COMMD1: variants seen among roughly 807,000 people sequenced by gnomAD.
The protein encoded by COMMD1 is COMM domain-containing protein 1.
COMMD1 carries 10 observed loss-of-function variants against 17.2 expected under a neutral mutation model. The observed-to-expected ratio is 0.58, with a 90% confidence interval of 0.36 to 0.99. The LOEUF is 0.99. Among genes scored for constraint, COMMD1 ranks in the 50% least tolerant of loss-of-function variants. The pLI, the probability that COMMD1 is intolerant of heterozygous loss-of-function variation, is 0.01. For missense variants in COMMD1, 270 were observed against 231.8 expected (o/e 1.17, Z -1.07); for synonymous variants, 97 against 91.6 (o/e 1.06, Z -0.34).
chr2:62,129,057 C>G (rs1016581633), intron 2 of COMMD1, among the ~76,000 whole-genome samples: 37 of 152,130 alleles, frequency 2.4e-4, no homozygotes, highest in African/African-American at 8.7e-4. Flanking sequence ...TCTTACCAAC[C>G]TAGGCATGAT....
intron 2 of COMMD1, among the ~76,000 whole-genome samples, chr2:62,031,860 A>G (rs1362216156): frequency 2.0e-5 from 3 of 152,192 alleles, no homozygotes; most frequent in Non-Finnish European, 4.4e-5. Flanking sequence ...TCTCTGTCTG[A>G]CATCTCAGAA....
intron 2 of COMMD1, among the ~76,000 whole-genome samples, chr2:62,015,462 G>A (rs1558563118): frequency 6.6e-6 from 1 of 152,068 alleles, no homozygotes; most frequent in Non-Finnish European, 1.5e-5. Context: ...TTTGGCTCTT[G>A]TGACTAATCT....
At chr2:62,101,350 C>T (rs780578777) in intron 2 of COMMD1, among the ~76,000 whole-genome samples, 14 of 152,160 alleles carry the variant, frequency 9.2e-5, no homozygotes, top group Non-Finnish European at 1.8e-4. Context: ...TGGCTCACAC[C>T]TGTAATCCTA....
chr2:62,041,635 C>T lies in COMMD1; in HGVS notation c.462+40653C>T, dbSNP rs111640565. On this transcript the variant is annotated intron_variant, in intron 2 of 2. Coordinates refer to ENST00000311832, the MANE Select transcript of COMMD1 (RefSeq NM_152516.4). ...TGAGCTCCTGAGCTCAAGCCATCTG[C>T]CTCCCTGTCCTCCCAAAGTGCTAGT... Among the ~76,000 whole-genome samples, 576 of 152,300 alleles carry T rather than the reference C, an allele frequency of 3.8e-3. 4 individuals carry two copies. Among genetic ancestry groups the T allele is most frequent in the African/African-American group, 0.013 (539 of 41,570 alleles).
At chr2:61,982,441 T>C (rs1314326545) in intron 1 of COMMD1, among the ~76,000 whole-genome samples, 1 of 152,224 alleles carries the variant, frequency 6.6e-6, no homozygotes, top group Non-Finnish European at 1.5e-5. Flanking sequence ...AAAGAACAGT[T>C]TGACTTCTTC....
At chr2:61,926,195 T>G (rs151111005) in intron 1 of COMMD1, among the ~76,000 whole-genome samples, 6 of 152,294 alleles carry the variant, frequency 3.9e-5, no homozygotes, top group African/African-American at 7.2e-5. Flanking sequence ...ATGGTCTCCA[T>G]CTCCTGACCT....
intron 1 of COMMD1, among the ~76,000 whole-genome samples, chr2:61,894,003 C>T (rs1669499293): frequency 6.6e-6 from 1 of 152,116 alleles, no homozygotes; most frequent in Admixed American, 6.5e-5. Context: ...TTAAAGGATG[C>T]ACTCTTATGA....
chr2:61,974,729 G>C (rs1005057690), intron 1 of COMMD1, among the ~76,000 whole-genome samples: 1 of 151,204 alleles, frequency 6.6e-6, no homozygotes, highest in Non-Finnish European at 1.5e-5. Context: ...AGCAATTTTA[G>C]GTTTATAGAA....
chr2:61,994,138 C>T (rs1668680872), intron 1 of COMMD1, among the ~76,000 whole-genome samples: 2 of 152,072 alleles, frequency 1.3e-5, no homozygotes, highest in Admixed American at 6.5e-5. Flanking sequence ...AGGCACCTGC[C>T]ACCACCCCCG....
At chr2:61,895,271 A>G (rs1164750244) in intron 1 of COMMD1, among the ~76,000 whole-genome samples, 1 of 152,168 alleles carries the variant, frequency 6.6e-6, no homozygotes, top group Non-Finnish European at 1.5e-5. Context: ...CTGTCCACAG[A>G]TAAAAGTACC....
chr2:61,972,261 A>G (rs1168891949), intron 1 of COMMD1, among the ~76,000 whole-genome samples: 12 of 152,228 alleles, frequency 7.9e-5, no homozygotes, highest in African/African-American at 2.2e-4. Context: ...AAGAAAATAA[A>G]AATGATCTCT....
chr2:61,994,772 G>A (rs1433314118), intron 1 of COMMD1, among the ~76,000 whole-genome samples: 3 of 152,074 alleles, frequency 2.0e-5, no homozygotes, highest in African/African-American at 7.2e-5. Context: ...TTTGCCAAAA[G>A]GTCCAAGAAA....
intron 2 of COMMD1, among the ~76,000 whole-genome samples, chr2:62,054,335 C>T (rs907124101): frequency 6.6e-6 from 1 of 152,094 alleles, no homozygotes; most frequent in African/African-American, 2.4e-5. Context: ...CCAGCAGTGC[C>T]ACTACTGGGT....
intron 2 of COMMD1, among the ~76,000 whole-genome samples, chr2:62,006,197 G>T (rs1669110783): frequency 7.9e-6 from 1 of 125,854 alleles, no homozygotes; most frequent in Admixed American, 8.3e-5. Flanking sequence ...GACTGTTGTG[G>T]GGTGGGGGGA....
At chr2:61,900,904 A>G (rs907463851), upstream of COMMD1, among the ~76,000 whole-genome samples, 1 of 152,204 alleles carries the variant, frequency 6.6e-6, no homozygotes, top group African/African-American at 2.4e-5. Context: ...TAAGATTCAT[A>G]TTCAGTGGAC....
At chr2:61,929,546 C>T (rs1012468692) in intron 1 of COMMD1, among the ~76,000 whole-genome samples, 2 of 152,168 alleles carry the variant, frequency 1.3e-5, no homozygotes, top group Non-Finnish European at 2.9e-5. Context: ...CACGACTCTC[C>T]TCTCTCCATC....
chr2:61,923,365 T>A (rs887763139), intron 1 of COMMD1, among the ~76,000 whole-genome samples: 41 of 152,136 alleles, frequency 2.7e-4, no homozygotes, highest in African/African-American at 9.9e-4. Flanking sequence ...TTGTGCTAAG[T>A]ATTGAGGGGA....
chr2:61,936,863 AATCTC>A (rs1670619664), intron 1 of COMMD1, among the ~76,000 whole-genome samples: 1 of 152,222 alleles, frequency 6.6e-6, no homozygotes, highest in Non-Finnish European at 1.5e-5. Flanking sequence ...CCCATGACAT[AATCTC>A]AGGAGGTCCT....
At chr2:62,134,950 C>G (rs189340562) in intron 2 of COMMD1, among the ~76,000 whole-genome samples, 1 of 152,178 alleles carries the variant, frequency 6.6e-6, no homozygotes, top group African/African-American at 2.4e-5. Context: ...TTATCTGGCT[C>G]ATGTTTCCCA....
Sources: allele counts gnomAD v4.1 joint callset (sites outside exome capture counted in the v4.1 genomes callset), GRCh38; gene constraint gnomAD v4.1.1; transcripts MANE v1.5; gene names NCBI Gene and HGNC (gene_info 2026-07-23, HGNC 2026-07-21).